TET3: variants seen among roughly 807,000 people sequenced by gnomAD.
TET3 encodes tet methylcytosine dioxygenase 3, also known as methylcytosine dioxygenase TET3.
In TET3, 19 loss-of-function variants were observed where a neutral mutation model predicts 141.4. The observed-to-expected ratio is 0.13, with a 90% CI of 0.09 to 0.20. The LOEUF (loss-of-function observed/expected upper bound fraction) is 0.20. TET3 is among the 10% of genes least tolerant of loss of function. The pLI is 1.00. For synonymous variants in TET3, 1,043 were observed against 980.9 expected, an observed-to-expected ratio of 1.06 and a Z score of -1.18; for missense variants, 1,874 against 2,356.9, an observed-to-expected ratio of 0.80 and a Z score of 4.24.
intron 2 of TET3, among the ~76,000 whole-genome samples, chr2:73,988,309 C>T (rs1684148328): frequency 6.6e-6 from 1 of 152,098 alleles, no homozygotes; most frequent in Non-Finnish European, 1.5e-5. Flanking sequence ...TTGCGCCTTT[C>T]CTTCTAGCAT....
intron 10 of TET3, among the ~76,000 whole-genome samples, chr2:74,096,106 T>C (rs937454095): frequency 1.3e-5 from 2 of 152,244 alleles, no homozygotes; most frequent in Admixed American, 1.3e-4. Flanking sequence ...TACCTTTTGA[T>C]ATTTGTAAAG....
intron 3 of TET3, among the ~76,000 whole-genome samples, chr2:74,017,147 C>T (rs976064559): frequency 3.9e-5 from 6 of 152,074 alleles, no homozygotes; most frequent in South Asian, 2.1e-4. Context: ...AAATTAGCCC[C>T]GCACGACATT....
intron 3 of TET3, among the ~76,000 whole-genome samples, chr2:74,030,332 T>G (rs954324006): frequency 1.3e-4 from 20 of 152,362 alleles, no homozygotes; most frequent in African/African-American, 4.8e-4. Flanking sequence ...AGTATGGTAT[T>G]CTGCTATTCT....
Position 73,993,934 on chromosome 2 carries a change from C to T in TET3, c.303+7228C>T, listed in dbSNP as rs890240864. On this transcript the variant is annotated intron_variant, in intron 2 of 11. Transcript: ENST00000409262. ...AATCTGGAAGCTTATGGAGCAGAAT[C>T]GATGTGTGCCCTTTTCACAAGATGA... 5.9e-5 allele frequency among the ~76,000 whole-genome samples: 9 copies of T among 151,944 alleles called. No individual in the cohort carries two copies. The South Asian group carries it at 8.3e-4, about 14-fold the overall frequency.
chr2:74,043,087 A>G (rs1558739189), intron 3 of TET3, among the ~76,000 whole-genome samples: 1 of 152,208 alleles, frequency 6.6e-6, no homozygotes, highest in African/African-American at 2.4e-5. Context: ...ATGTAGCATT[A>G]GTCTCCCTGA....
intron 4 of TET3, among the ~76,000 whole-genome samples, chr2:74,070,311 A>G (rs927862407): frequency 6.6e-6 from 1 of 152,218 alleles, no homozygotes. Context: ...GCAGCAGACA[A>G]GAGAGAATGA....
chr2:74,091,137 T>C (rs912647843), intron 8 of TET3, among the ~76,000 whole-genome samples: 5 of 152,196 alleles, frequency 3.3e-5, no homozygotes, highest in African/African-American at 1.2e-4. Flanking sequence ...AATAGTCTAA[T>C]AGACCTGTAT....
At chr2:74,131,548 C>A in the TET3 span, among the ~76,000 whole-genome samples, 5 of 152,142 alleles carry the variant, frequency 3.3e-5, no homozygotes, top group Non-Finnish European at 7.4e-5. Context: ...GTTAGGTGGT[C>A]TAACCAGGGC....
intron 8 of TET3, among the ~76,000 whole-genome samples, chr2:74,091,033 T>C (rs2104102351): frequency 6.6e-6 from 1 of 152,326 alleles, no homozygotes; most frequent in Admixed American, 6.5e-5. Context: ...TCACCTTCTG[T>C]GCTCTGACTG....
the TET3 span, among the ~76,000 whole-genome samples, chr2:74,118,123 G>A: frequency 5.7e-4 from 87 of 152,320 alleles, no homozygotes; most frequent in South Asian, 1.7e-3. Context: ...TCATCTCCAC[G>A]AGAGCAGATA....
chr2:74,080,952 G>A (rs761939489), intron 6 of TET3, among the ~76,000 whole-genome samples: 3 of 152,212 alleles, frequency 2.0e-5, no homozygotes, highest in African/African-American at 4.8e-5. Context: ...GTCATGACCC[G>A]TTGATGGGCT....
intron 4 of TET3, among the ~76,000 whole-genome samples, chr2:74,066,986 T>A (rs1688939198): frequency 6.6e-6 from 1 of 152,162 alleles, no homozygotes; most frequent in African/African-American, 2.4e-5. Context: ...GCCCAGAAGT[T>A]CTGGCATATT....
the TET3 span, chr2:74,135,395 A>G: frequency 3.4e-6 from 3 of 871,060 alleles, no homozygotes; most frequent in South Asian, 4.6e-5. Flanking sequence ...CTGAAACATT[A>G]CTAATGACCC....
At position 73,986,482 on chromosome 2, in the gene TET3, G is replaced by C. The variant is rs142623499; in HGVS notation, c.79G>C (p.Val27Leu). 1 of 1,232,048 alleles carries C rather than the reference G, an allele frequency of 8.1e-7. No individual in the cohort carries two copies. 76.3% of individuals were successfully genotyped at this position (1,232,048 alleles called of 1,614,324 possible). A position where few individuals can be genotyped will look rare whatever the true frequency, so the allele number is the denominator to read the frequency against. Residue 27 changes from valine (V) to leucine (L), a missense_variant, in exon 2 of 12, where the codon GTA becomes CTA. Val to Leu is a conservative substitution (Grantham distance 32). Coordinates refer to ENST00000409262, the MANE Select transcript of TET3 (RefSeq NM_001287491.2). ...LYDFPQRQVM[V>L]GSFPGSGLSM... ...TGACTTCCCTCAGCGCCAGGTGATG[G>C]TAGGGAGCTTCCCGGGGTCTGGGCT...
Position 74,046,619 on chromosome 2 carries a change from C to G in TET3, c.702C>G (p.Asn234Lys). 10 of 1,614,062 alleles carry G rather than the reference C, an allele frequency of 6.2e-6. No individual in the cohort carries two copies. Among genetic ancestry groups the G allele is most frequent in the Non-Finnish European group, 7.6e-6 (9 of 1,179,900 alleles). Residue 234 changes from asparagine (N) to lysine (K), a missense_variant, in exon 4 of 12, where the codon AAC (asparagine) becomes AAG (lysine). Coordinates refer to ENST00000409262, the MANE Select transcript of TET3 (RefSeq NM_001287491.2). The surrounding 1 kb of genome is among the most constrained non-coding windows in gnomAD (Gnocchi z 4.3). The stretch of plus-strand genomic sequence containing the variant: ...GTGAGATGAGTCGTGAGGCTGGGAA[C>G]AACAGCAGGGGACCCCGGCCAGGGC... The part of the protein sequence containing the change: ...FNREMSREAG[N>K]NSRGPRPGPE...
chr2:74,043,692 G>A (rs1687463916), intron 3 of TET3, among the ~76,000 whole-genome samples: 1 of 152,158 alleles, frequency 6.6e-6, no homozygotes. Flanking sequence ...AAGCATGAGG[G>A]TCTTTTGTGG....
At position 74,047,270 on chromosome 2, in the gene TET3, C is replaced by T. The variant is rs769619474; in HGVS notation, c.1353C>T (p.Pro451=). ...CAGCAACGCCCCGGAGCTCCTGGCCCATGCCTCGCCCAAGCCCCGATCCCA... is the reference window on the plus strand; with the variant it reads ...CAGCAACGCCCCGGAGCTCCTGGCCTATGCCTCGCCCAAGCCCCGATCCCA... ...TPPATPRSSW[P]MPRPSPDPMA... Residue 451 remains proline (P), a synonymous_variant, in exon 4 of 12, where the codon CCC becomes CCT. Coordinates refer to ENST00000409262, the MANE Select transcript of TET3 (RefSeq NM_001287491.2). 2.5e-5 allele frequency: 41 copies of T among 1,613,910 alleles called. No homozygotes were observed. Among genetic ancestry groups the T allele is most frequent in the Admixed American group, 1.5e-4 (9 of 60,016 alleles).
intron 4 of TET3, among the ~76,000 whole-genome samples, chr2:74,049,903 A>ACTCAT (rs1687852040): frequency 3.9e-5 from 6 of 152,084 alleles, no homozygotes; most frequent in Admixed American, 3.9e-4. Context: ...GATGGTTCCC[A>ACTCAT]CTGGCCCTGT....
At chr2:74,117,998 T>C in the TET3 span, among the ~76,000 whole-genome samples, 1 of 151,838 alleles carries the variant, frequency 6.6e-6, no homozygotes, top group South Asian at 2.1e-4. Flanking sequence ...CCCACCTCAG[T>C]CTCCCAAAGT....
Sources: allele counts gnomAD v4.1 joint callset (sites outside exome capture counted in the v4.1 genomes callset), GRCh38; gene constraint gnomAD v4.1.1; non-coding constraint Gnocchi (gnomAD v3.1); transcripts MANE v1.5; gene names NCBI Gene and HGNC (gene_info 2026-07-23, HGNC 2026-07-21).